The following SGK1 variants were observed in gnomAD, a reference collection of about 807,000 sequenced individuals.
The protein encoded by SGK1 is serine/threonine-protein kinase Sgk1.
A neutral mutation model predicts 64.2 loss-of-function variants in SGK1; 26 were observed. The ratio of observed to expected loss-of-function variants is 0.40; its 90% CI spans 0.30 to 0.56. The LOEUF (loss-of-function observed/expected upper bound fraction) is 0.56. Among genes scored for constraint, SGK1 ranks in the 20% least tolerant of loss-of-function variants. SGK1 has a pLI of 0.38. For synonymous variants in SGK1, 265 were observed against 239.7 expected, an observed-to-expected ratio of 1.11 and a Z score of -0.98; for missense variants, 519 against 645.6, an observed-to-expected ratio of 0.80 and a Z score of 2.12.
At chr6:134,268,722 C>CA (rs559703087) in intron 1 of SGK1, among the ~76,000 whole-genome samples, 16,597 of 72,100 alleles carry the variant, frequency 0.23, 2,109 homozygotes, top group East Asian at 0.42. Flanking sequence ...GACTCTGTCT[C>CA]AAAAAAAAAA....
intron 1 of SGK1, among the ~76,000 whole-genome samples, chr6:134,292,221 A>G (rs1254800400): frequency 6.6e-6 from 1 of 152,220 alleles, no homozygotes; most frequent in Non-Finnish European, 1.5e-5. Flanking sequence ...ACAGATGAGG[A>G]AAGTGACACC....
At chr6:134,193,763 AG>A (rs1775551246) in intron 3 of SGK1, among the ~76,000 whole-genome samples, 1 of 43,144 alleles carries the variant, frequency 2.3e-5, no homozygotes, top group Non-Finnish European at 4.6e-5. Context: ...CAGTTAAAAA[AG>A]AAAAGAAAGG....
At chr6:134,176,221 A>T (rs1162693726) in intron 3 of SGK1, among the ~76,000 whole-genome samples, 1 of 152,150 alleles carries the variant, frequency 6.6e-6, no homozygotes, top group African/African-American at 2.4e-5. Context: ...CCTGCAGGTC[A>T]TGATACATGG....
intron 3 of SGK1, among the ~76,000 whole-genome samples, chr6:134,203,762 A>C (rs1415644220): frequency 2.0e-5 from 3 of 152,298 alleles, no homozygotes; most frequent in East Asian, 3.9e-4. Flanking sequence ...AAATAATAAT[A>C]ATCATAAAGA....
chr6:134,217,355 A>C (rs1371575074), intron 2 of SGK1, among the ~76,000 whole-genome samples: 1 of 152,182 alleles, frequency 6.6e-6, no homozygotes, highest in Non-Finnish European at 1.5e-5. Flanking sequence ...TGCTCAGACT[A>C]GTGTGGCAGG....
intron 1 of SGK1, chr6:134,297,223 G>T: frequency 1.0e-6 from 1 of 969,078 alleles, no homozygotes; most frequent in Non-Finnish European, 1.6e-6. Flanking sequence ...GACTCCAGCC[G>T]GCATTTCTAG....
At chr6:134,179,290 A>T (rs1775296363) in intron 3 of SGK1, among the ~76,000 whole-genome samples, 1 of 152,182 alleles carries the variant, frequency 6.6e-6, no homozygotes, top group South Asian at 2.1e-4. Flanking sequence ...CATCAATTTT[A>T]GAACAATCCT....
intron 1 of SGK1, among the ~76,000 whole-genome samples, chr6:134,263,401 A>ATTT (rs11379233): frequency 1.4e-5 from 2 of 141,408 alleles, no homozygotes; most frequent in African/African-American, 2.6e-5. Flanking sequence ...CACACTACTA[A>ATTT]TTTTTTTTTT....
At chr6:134,182,444 T>C (rs895485201) in intron 3 of SGK1, among the ~76,000 whole-genome samples, 6 of 150,590 alleles carry the variant, frequency 4.0e-5, no homozygotes, top group Non-Finnish European at 5.9e-5. Flanking sequence ...TGCAGTGAGC[T>C]GGGATTATGC....
intron 3 of SGK1, among the ~76,000 whole-genome samples, chr6:134,205,138 C>G (rs868330953): frequency 2.0e-5 from 3 of 152,160 alleles, no homozygotes; most frequent in African/African-American, 7.2e-5. Context: ...ATTTCCCTCC[C>G]TTTCCATTTT....
intron 2 of SGK1, among the ~76,000 whole-genome samples, chr6:134,236,233 G>C (rs1776363160): frequency 6.6e-6 from 1 of 152,144 alleles, no homozygotes; most frequent in Admixed American, 6.5e-5. Flanking sequence ...ATTTACATAT[G>C]ACTCAGTACT....
chr6:134,178,152 G>A (rs1775277366), intron 3 of SGK1, among the ~76,000 whole-genome samples: 1 of 152,188 alleles, frequency 6.6e-6, no homozygotes, highest in South Asian at 2.1e-4. Context: ...GTTCTACGCG[G>A]AATAGAGAAT....
chr6:134,201,901 C>T (rs1775691851), intron 3 of SGK1, among the ~76,000 whole-genome samples: 1 of 152,076 alleles, frequency 6.6e-6, no homozygotes, highest in Non-Finnish European at 1.5e-5. Flanking sequence ...AAAGGGCATG[C>T]TGCAGTGTAG....
At chr6:134,256,088 C>CTTT (rs68106923) in intron 2 of SGK1, among the ~76,000 whole-genome samples, 1,494 of 139,182 alleles carry the variant, frequency 0.011, 23 homozygotes, top group South Asian at 0.021. Context: ...GTCCTTTTTC[C>CTTT]TTTTTTTTTT....
At chr6:134,252,723 G>A (rs986080884) in intron 2 of SGK1, among the ~76,000 whole-genome samples, 7 of 149,810 alleles carry the variant, frequency 4.7e-5, no homozygotes, top group Admixed American at 2.0e-4. Context: ...TTTGTTTTAC[G>A]TGCTTTCTCA....
chr6:134,172,480 G>A, intron 9 of SGK1, 164 bp from the exon 10 acceptor site: 1 of 810,656 alleles, frequency 1.2e-6, no homozygotes, highest in Non-Finnish European at 1.9e-6. Flanking sequence ...TCTGGATTAG[G>A]CACAATCCTA....
At chr6:134,185,982 G>T (rs1321690636) in intron 3 of SGK1, among the ~76,000 whole-genome samples, 1 of 152,070 alleles carries the variant, frequency 6.6e-6, no homozygotes, top group Admixed American at 6.6e-5. Flanking sequence ...CCGCATTAGT[G>T]GGGGCGGGTC....
At chr6:134,270,973 A>T (rs1582755137) in intron 1 of SGK1, among the ~76,000 whole-genome samples, 1 of 143,322 alleles carries the variant, frequency 7.0e-6, no homozygotes, top group Middle Eastern at 3.5e-3. Context: ...GAATTCATCA[A>T]CGTACGTTTT....
At chr6:134,222,189 G>T (rs1444792238) in intron 2 of SGK1, among the ~76,000 whole-genome samples, 1 of 152,104 alleles carries the variant, frequency 6.6e-6, no homozygotes. Context: ...TAAATGCCTG[G>T]AGGTGAATGA....
Sources: allele counts gnomAD v4.1 joint callset (sites outside exome capture counted in the v4.1 genomes callset), GRCh38; gene constraint gnomAD v4.1.1; transcripts MANE v1.5; gene names NCBI Gene and HGNC (gene_info 2026-07-23, HGNC 2026-07-21).